The following IGSF11 variants were observed in gnomAD, a reference collection of about 807,000 sequenced individuals.
IGSF11 encodes immunoglobulin superfamily member 11.
In IGSF11, 22 loss-of-function variants were observed where a neutral mutation model predicts 41.0. That is an observed-to-expected ratio of 0.54 (90% CI 0.38 to 0.77). The LOEUF (loss-of-function observed/expected upper bound fraction) is 0.77, where lower values mean the gene tolerates loss of function less well. Ranked by LOEUF, IGSF11 falls within the 30% of genes least tolerant of loss-of-function variation. IGSF11 has a pLI of 0.00. For missense variants in IGSF11, 444 were observed against 530.8 expected, an observed-to-expected ratio of 0.84 and a Z score of 1.61; for synonymous variants, 219 against 201.3, an observed-to-expected ratio of 1.09 and a Z score of -0.74.
In IGSF11 at chr3:118,978,640, C is replaced by A. The variant is rs1021954260; in HGVS notation, c.53-48365G>T. 1.4e-4 allele frequency among the ~76,000 whole-genome samples: 22 copies of A among 152,176 alleles called. 1 individual carries two copies. Among genetic ancestry groups the A allele is most frequent in the Admixed American group, 1.3e-3 (20 of 15,274 alleles). The stretch of plus-strand genomic sequence containing the variant: ...CCACAGCCTTCTCTGACAACTGTAC[C>A]CTAAGCCGCCAAGAAAATCAGACAC... On this transcript the variant is annotated intron_variant, in intron 1 of 6. Transcript: ENST00000393775.
intron 1 of IGSF11, among the ~76,000 whole-genome samples, chr3:119,088,297 A>T (rs556545817): frequency 2.6e-4 from 40 of 152,202 alleles, no homozygotes; most frequent in Non-Finnish European, 4.9e-4. Context: ...AAATACATGG[A>T]AATTAAACAA....
At chr3:119,137,653 A>C (rs1020141330) in intron 1 of IGSF11, among the ~76,000 whole-genome samples, 2 of 152,162 alleles carry the variant, frequency 1.3e-5, no homozygotes, top group African/African-American at 4.8e-5. Flanking sequence ...CATTGGGCTG[A>C]GCAGAGTTCT....
At chr3:118,995,797 T>C (rs1174479776) in intron 1 of IGSF11, among the ~76,000 whole-genome samples, 1 of 151,750 alleles carries the variant, frequency 6.6e-6, no homozygotes, top group East Asian at 1.9e-4. Flanking sequence ...GGACTACAGG[T>C]GCCCGCCACC....
At position 119,127,156 on chromosome 3, in the gene IGSF11, C is replaced by A. The variant is rs112333315; in HGVS notation, c.-14+18657G>T. On this transcript the variant is annotated intron_variant, in intron 1 of 7. Coordinates refer to the IGSF11 transcript ENST00000425327. ...GATAAAAAGTTAGAGGAATTGCTAA[C>A]TAGAATAGCCAGTTTAGAGAGGAAC... 3.6e-3 allele frequency among the ~76,000 whole-genome samples: 546 copies of A among 152,118 alleles called. 2 individuals carry two copies. Among genetic ancestry groups the A allele is most frequent in the African/African-American group, 0.012 (511 of 41,482 alleles).
intron 1 of IGSF11, among the ~76,000 whole-genome samples, chr3:118,950,200 C>A (rs942907080): frequency 6.6e-6 from 1 of 152,124 alleles, no homozygotes; most frequent in Non-Finnish European, 1.5e-5. Context: ...GAGTAACATG[C>A]AGGCTCCATC....
chr3:118,921,089 C>A (rs750066361), intron 4 of IGSF11, among the ~76,000 whole-genome samples: 21 of 152,156 alleles, frequency 1.4e-4, no homozygotes, highest in Non-Finnish European at 2.9e-5. Context: ...TTACCCTAAG[C>A]ACCTTACTCA....
chr3:119,140,841 C>T (rs958249699), intron 1 of IGSF11, among the ~76,000 whole-genome samples: 6 of 132,194 alleles, frequency 4.5e-5, no homozygotes, highest in African/African-American at 1.0e-4. Flanking sequence ...GTCAGGAGTT[C>T]GAGACCAGTC....
intron 1 of IGSF11, among the ~76,000 whole-genome samples, chr3:118,990,544 A>G (rs1935694377): frequency 2.0e-5 from 3 of 152,248 alleles, no homozygotes; most frequent in African/African-American, 4.8e-5. Flanking sequence ...ACAAAATTCT[A>G]GAAAAATCTT....
intron 1 of IGSF11, among the ~76,000 whole-genome samples, chr3:118,983,881 G>A (rs911348023): frequency 1.1e-4 from 16 of 152,014 alleles, no homozygotes; most frequent in Non-Finnish European, 1.8e-4. Flanking sequence ...AATTTCAGTT[G>A]TGACCCCAGT....
At chr3:118,955,161 T>G (rs1944856701) in intron 1 of IGSF11, among the ~76,000 whole-genome samples, 1 of 151,790 alleles carries the variant, frequency 6.6e-6, no homozygotes, top group Non-Finnish European at 1.5e-5. Context: ...CCAGCCCAAA[T>G]GCCCATCAAT....
At chr3:118,959,963 T>C (rs1179068986) in intron 1 of IGSF11, among the ~76,000 whole-genome samples, 3 of 149,754 alleles carry the variant, frequency 2.0e-5, no homozygotes, top group East Asian at 2.0e-4. Context: ...GAGAATGGCG[T>C]GAAGCTGGGA....
chr3:119,136,575 C>G (rs1018435306), intron 1 of IGSF11, among the ~76,000 whole-genome samples: 3 of 151,806 alleles, frequency 2.0e-5, no homozygotes, highest in African/African-American at 7.3e-5. Context: ...TAAAAAGAGA[C>G]AAAGAAGGTC....
At chr3:118,950,480 T>C (rs1266545524) in intron 1 of IGSF11, among the ~76,000 whole-genome samples, 1 of 152,180 alleles carries the variant, frequency 6.6e-6, no homozygotes, top group Non-Finnish European at 1.5e-5. Flanking sequence ...ATGCCTTTTA[T>C]ATATTTTATA....
At chr3:118,987,846 C>G (rs555316882) in intron 1 of IGSF11, among the ~76,000 whole-genome samples, 1 of 152,282 alleles carries the variant, frequency 6.6e-6, no homozygotes, top group Admixed American at 6.5e-5. Context: ...TCAATAAGAC[C>G]TTCCTAAGGA....
At chr3:119,060,394 T>G (rs1186885841) in intron 1 of IGSF11, among the ~76,000 whole-genome samples, 1 of 152,112 alleles carries the variant, frequency 6.6e-6, no homozygotes, top group Non-Finnish European at 1.5e-5. Context: ...AACCATAAGA[T>G]TTTGAAAAAA....
At chr3:118,910,847 C>T (rs970141943) in intron 4 of IGSF11, among the ~76,000 whole-genome samples, 3 of 152,114 alleles carry the variant, frequency 2.0e-5, no homozygotes, top group Non-Finnish European at 2.9e-5. Flanking sequence ...TTCTATCCAT[C>T]ATTTAAGAAC....
chr3:118,977,818 A>C (rs1418617033), intron 1 of IGSF11, among the ~76,000 whole-genome samples: 1 of 152,286 alleles, frequency 6.6e-6, no homozygotes, highest in Middle Eastern at 3.4e-3. Flanking sequence ...GAGTCCCACA[A>C]ACCCGAGTCC....
intron 4 of IGSF11, among the ~76,000 whole-genome samples, chr3:118,914,440 C>T (rs1006999228): frequency 3.3e-5 from 5 of 151,374 alleles, no homozygotes; most frequent in Admixed American, 6.6e-5. Flanking sequence ...ATTGCCTCAC[C>T]TGGGAAGCGC....
chr3:119,089,218 A>G (rs1311110859), intron 1 of IGSF11, among the ~76,000 whole-genome samples: 3 of 152,166 alleles, frequency 2.0e-5, no homozygotes, highest in Non-Finnish European at 4.4e-5. Flanking sequence ...GCACATCAAA[A>G]AGTTAATACA....
Sources: gnomAD v4.1 joint callset for allele counts (sites outside exome capture counted in the v4.1 genomes callset) on GRCh38, gnomAD v4.1.1 for gene constraint, MANE v1.5 for transcripts, NCBI Gene and HGNC (gene_info 2026-07-23, HGNC 2026-07-21) for gene names.